CHRM5: variants seen among roughly 807,000 people sequenced by gnomAD.
CHRM5 encodes cholinergic receptor muscarinic 5.
In CHRM5, 18 loss-of-function variants were observed where a neutral mutation model predicts 39.0. That is an observed-to-expected ratio of 0.46 (90% CI 0.32 to 0.68). The LOEUF is 0.68. Ranked by LOEUF, CHRM5 falls within the 30% of genes least tolerant of loss-of-function variation. The pLI is 0.04. For missense variants in CHRM5, 515 were observed against 651.1 expected, an observed-to-expected ratio of 0.79 and a Z score of 2.28; for synonymous variants, 241 against 246.3, an observed-to-expected ratio of 0.98 and a Z score of 0.20.
chr15:34,006,310 CA>C (rs796228574), intron 1 of CHRM5, among the ~76,000 whole-genome samples: 177 of 121,366 alleles, frequency 1.5e-3, no homozygotes, highest in African/African-American at 4.2e-3. Flanking sequence ...GACTCCGTCT[CA>C]AAAAAAAAAA....
chr15:34,061,666 G>A (rs917288192), intron 2 of CHRM5, among the ~76,000 whole-genome samples: 10 of 152,290 alleles, frequency 6.6e-5, no homozygotes, highest in African/African-American at 1.9e-4. Context: ...TATAAGGAAT[G>A]TATTACTCTA....
In CHRM5 at chr15:34,064,087, C is replaced by T; in HGVS notation, c.1370C>T (p.Pro457Leu). The change falls in exon 3 of 3, where the codon CCG becomes CTG. Residue 457 changes from proline (P) to leucine (L), a missense_variant. Transcript: ENST00000383263. ...ILLAFIITWT[P>L]YNIMVLVSTF... ...CTGGCCTTCATCATCACATGGACCCCGTATAACATCATGGTCCTGGTTTCT... is the reference window on the plus strand; with the variant it reads ...CTGGCCTTCATCATCACATGGACCCTGTATAACATCATGGTCCTGGTTTCT... 5.0e-6 allele frequency: 8 copies of T among 1,614,124 alleles called. No homozygotes were observed. The highest frequency in any genetic ancestry group is 2.2e-5 in the East Asian group (1 of 44,872).
At chr15:34,009,641 G>A (rs954616417) in intron 1 of CHRM5, among the ~76,000 whole-genome samples, 5 of 151,990 alleles carry the variant, frequency 3.3e-5, no homozygotes, top group African/African-American at 1.2e-4. Flanking sequence ...AACAAAAATC[G>A]TTATAAAGAC....
At chr15:33,979,749 C>T (rs368060573) in intron 1 of CHRM5, among the ~76,000 whole-genome samples, 2 of 152,242 alleles carry the variant, frequency 1.3e-5, no homozygotes, top group South Asian at 2.1e-4. Context: ...AAGAGAAGTT[C>T]GTTAGGCATC....
At chr15:34,025,236 G>C (rs1209719352) in intron 1 of CHRM5, among the ~76,000 whole-genome samples, 2 of 152,172 alleles carry the variant, frequency 1.3e-5, no homozygotes, top group African/African-American at 4.8e-5. Context: ...TGAAGTGTGG[G>C]AGGGAAATGT....
rs1334402717 is a variant in CHRM5 at position 34,062,636 on chromosome 15, C to G, written c.-75-7C>G. On this transcript the variant is annotated splice_region_variant and splice_polypyrimidine_tract_variant and intron_variant, in intron 2 of 2. Coordinates refer to ENST00000383263, the MANE Select transcript of CHRM5 (RefSeq NM_012125.4). ...GTGCGAAGCTAATGTGTTTCCCTCT[C>G]TTCCAGATGCTGGCCAAGAAGAGCT... is the stretch of plus-strand genomic sequence containing the variant. The G allele has an allele frequency of 2.2e-6, 3 of 1,340,858 alleles. No homozygotes were observed. The highest frequency in any genetic ancestry group is 2.9e-5 in the African/African-American group (2 of 68,318). 83.1% of individuals were successfully genotyped at this position (1,340,858 alleles called of 1,614,324 possible).
intron 1 of CHRM5, among the ~76,000 whole-genome samples, chr15:33,997,885 A>G (rs1408075754): frequency 6.6e-6 from 1 of 152,006 alleles, no homozygotes; most frequent in Non-Finnish European, 1.5e-5. Flanking sequence ...ACCTGTTCTC[A>G]CCTTAAATTT....
intron 1 of CHRM5, among the ~76,000 whole-genome samples, chr15:33,978,280 A>AGTAG (rs1176317595): frequency 2.0e-5 from 3 of 152,196 alleles, no homozygotes; most frequent in Non-Finnish European, 4.4e-5. Flanking sequence ...GACTACAGCA[A>AGTAG]ACCCACTGTA....
chr15:33,978,469 G>A (rs541761097), intron 1 of CHRM5, among the ~76,000 whole-genome samples: 1 of 152,082 alleles, frequency 6.6e-6, no homozygotes, highest in Non-Finnish European at 1.5e-5. Context: ...TTCAAAACCA[G>A]CCTGATCAAC....
chr15:34,030,084 T>C (rs1294898657), intron 1 of CHRM5, among the ~76,000 whole-genome samples: 2 of 151,874 alleles, frequency 1.3e-5, no homozygotes, highest in Non-Finnish European at 2.9e-5. Context: ...TGCGACCCCA[T>C]CTCTACTAAA....
At chr15:34,034,244 A>C (rs1359903067) in intron 1 of CHRM5, among the ~76,000 whole-genome samples, 4 of 152,044 alleles carry the variant, frequency 2.6e-5, no homozygotes, top group African/African-American at 9.7e-5. Context: ...GGAGTTTGAG[A>C]CCAGCCTGGG....
At chr15:34,039,902 C>G (rs922434247) in intron 1 of CHRM5, among the ~76,000 whole-genome samples, 2 of 152,104 alleles carry the variant, frequency 1.3e-5, no homozygotes, top group Non-Finnish European at 2.9e-5. Flanking sequence ...CGGTCTCACT[C>G]CAGTCCCTTC....
chr15:34,061,739 G>T (rs1900339693), intron 2 of CHRM5, among the ~76,000 whole-genome samples: 1 of 152,168 alleles, frequency 6.6e-6, no homozygotes, highest in South Asian at 2.1e-4. Flanking sequence ...GGAACAGAGA[G>T]AAGGTCCTTA....
chr15:34,053,310 A>AT (rs1900003097), intron 2 of CHRM5, among the ~76,000 whole-genome samples: 1 of 106,570 alleles, frequency 9.4e-6, no homozygotes, highest in African/African-American at 3.4e-5. Context: ...AAAAAAAAAA[A>AT]AAAAAAAAAA....
intron 1 of CHRM5, among the ~76,000 whole-genome samples, chr15:34,042,401 T>G (rs574968495): frequency 1.3e-5 from 2 of 149,124 alleles, no homozygotes; most frequent in Admixed American, 6.7e-5. Context: ...CCTAAGTTTT[T>G]TTTTTTTTTT....
intron 1 of CHRM5, among the ~76,000 whole-genome samples, chr15:33,999,545 T>C (rs923389988): frequency 2.0e-5 from 3 of 152,176 alleles, no homozygotes; most frequent in Admixed American, 6.5e-5. Context: ...GGCAACTCCC[T>C]TCTTCTCACT....
At chr15:33,983,781 A>G (rs1896298474) in intron 1 of CHRM5, among the ~76,000 whole-genome samples, 1 of 152,152 alleles carries the variant, frequency 6.6e-6, no homozygotes, top group African/African-American at 2.4e-5. Flanking sequence ...GAGGTTTCTA[A>G]GTGGTAACTA....
chr15:34,008,558 G>A (rs778811284), intron 1 of CHRM5, among the ~76,000 whole-genome samples: 55 of 144,424 alleles, frequency 3.8e-4, no homozygotes, highest in Non-Finnish European at 7.1e-4. Context: ...GCACAATCTC[G>A]GCTCGCTGCA....
At chr15:34,032,023 G>GCGCACACA (rs1555518610) in intron 1 of CHRM5, among the ~76,000 whole-genome samples, 17 of 149,042 alleles carry the variant, frequency 1.1e-4, no homozygotes, top group Non-Finnish European at 1.8e-4. Context: ...GCGCGCACAC[G>GCGCACACA]CACACACACA....
Sources: allele counts gnomAD v4.1 joint callset (sites outside exome capture counted in the v4.1 genomes callset), GRCh38; gene constraint gnomAD v4.1.1; transcripts MANE v1.5; gene names NCBI Gene and HGNC (gene_info 2026-07-23, HGNC 2026-07-21).